The following SMAD9 variants were observed in gnomAD, a reference collection of about 807,000 sequenced individuals.
SMAD9 encodes the protein MAD homolog 9.
In SMAD9, 36 loss-of-function variants were observed where a neutral mutation model predicts 46.1. The ratio of observed to expected loss-of-function variants is 0.78; its 90% confidence interval spans 0.60 to 1.03. SMAD9 has a LOEUF of 1.03. Ranked by LOEUF, SMAD9 falls within the 50% of genes least tolerant of loss-of-function variation. SMAD9 has a pLI of 0.00. For missense variants in SMAD9, 572 were observed against 599.8 expected (o/e 0.95, Z 0.48); for synonymous variants, 245 against 237.1 (o/e 1.03, Z -0.31).
intron 1 of SMAD9, among the ~76,000 whole-genome samples, chr13:36,918,538 T>C (rs1401413926): frequency 2.6e-5 from 4 of 152,228 alleles, no homozygotes; most frequent in African/African-American, 9.6e-5. Context: ...GTACTTGAAA[T>C]TGCTGTCATC....
intron 1 of SMAD9, among the ~76,000 whole-genome samples, chr13:36,904,969 T>A (rs974394978): frequency 2.0e-5 from 3 of 152,238 alleles, no homozygotes; most frequent in African/African-American, 7.2e-5. Flanking sequence ...TCACTTGTTT[T>A]CATCCTTTTA....
Position 36,856,872 on chromosome 13 carries a change from G to A in SMAD9, c.1004-3197C>T, listed in dbSNP as rs188096711. ...GCTGGAGATGGGGTGGCGCGATCTC[G>A]GCTCACTGCAACCTCTGCCTCCCGG... On this transcript the variant is annotated intron_variant, in intron 5 of 6. Coordinates refer to ENST00000379826, the MANE Select transcript of SMAD9 (RefSeq NM_001127217.3). 7.9e-4 allele frequency among the ~76,000 whole-genome samples: 116 copies of A among 146,022 alleles called. 1 individual carries two copies. The highest frequency in any genetic ancestry group is 6.3e-3 in the Admixed American group (90 of 14,362).
At chr13:36,848,847 T>G in intron 6 of SMAD9, 28 bp from the exon 7 acceptor site, 3 of 1,610,486 alleles carry the variant, frequency 1.9e-6, no homozygotes, top group Non-Finnish European at 2.5e-6. Flanking sequence ...AGCTGAGTGA[T>G]GGTGCCACAC....
At position 36,844,843 on chromosome 13, in the gene SMAD9, ATTCT is replaced by A. The variant is rs1188763335; in HGVS notation, c.*3829_*3832del. On this transcript the variant is annotated 3_prime_UTR_variant, in exon 7 of 7. Coordinates refer to ENST00000379826, the MANE Select transcript of SMAD9 (RefSeq NM_001127217.3). Reference sequence around the variant, plus strand: ...GAGCCAAAAGACATATAAGTACAGTATTCTTTATTATAAACAATCAGATAACAGT... The same window carrying A: ...GAGCCAAAAGACATATAAGTACAGTATTATTATAAACAATCAGATAACAGT... 3 of 152,330 alleles carry A rather than the reference ATTCT, an allele frequency of 2.0e-5. No individual in the cohort carries two copies. Among genetic ancestry groups the A allele is most frequent in the South Asian group, 2.1e-4 (1 of 4,832 alleles). The allele number at this position is 152,330 out of a possible 1,614,324, so 9.4% of individuals were successfully genotyped here.
At chr13:36,852,230 A>C (rs1382081186) in intron 6 of SMAD9, 1 of 901,796 alleles carries the variant, frequency 1.1e-6, no homozygotes, top group Admixed American at 6.2e-5. Context: ...GTATAGAAAA[A>C]TTATTTGTCA....
At chr13:36,872,992 C>T in intron 2 of SMAD9, 77 bp from the exon 3 acceptor site, 1 of 1,526,880 alleles carries the variant, frequency 6.5e-7, no homozygotes, top group East Asian at 2.3e-5. Flanking sequence ...ACTTGCTGTT[C>T]TTATCTATTT....
chr13:36,912,133 C>T (rs2138699209), intron 1 of SMAD9, among the ~76,000 whole-genome samples: 1 of 152,284 alleles, frequency 6.6e-6, no homozygotes, highest in Admixed American at 6.5e-5. Flanking sequence ...CTTCACTCTT[C>T]CAAATACCCC....
intron 5 of SMAD9, among the ~76,000 whole-genome samples, chr13:36,856,147 C>T (rs1432625947): frequency 6.6e-6 from 1 of 152,152 alleles, no homozygotes; most frequent in African/African-American, 2.4e-5. Context: ...AACACCGCCT[C>T]TTACAACAAC....
chr13:36,848,568 T>C lies in SMAD9; in HGVS notation c.*108A>G, dbSNP rs964530989. On this transcript the variant is annotated 3_prime_UTR_variant, in exon 7 of 7. Coordinates refer to ENST00000379826, the MANE Select transcript of SMAD9 (RefSeq NM_001127217.3). ...AAAAAAATAAGAACAGTATACATTC[T>C]ATGTATTTACACATGTTTTTAGAAA... 1 of 1,034,526 alleles carries C rather than the reference T, an allele frequency of 9.7e-7. No individual in the cohort carries two copies. Among genetic ancestry groups the C allele is most frequent in the Admixed American group, 1.7e-5 (1 of 58,888 alleles). The allele number at this position is 1,034,526 out of a possible 1,614,324, so 64.1% of individuals were successfully genotyped here.
chr13:36,903,063 G>C (rs2058590218), intron 1 of SMAD9, among the ~76,000 whole-genome samples: 1 of 151,950 alleles, frequency 6.6e-6, no homozygotes. Flanking sequence ...ACATGGCAGG[G>C]AGGAGGGGAG....
intron 3 of SMAD9, 116 bp downstream of exon 3, chr13:36,872,542 A>T (rs1367841851): frequency 8.2e-7 from 1 of 1,225,408 alleles, no homozygotes; most frequent in East Asian, 2.3e-5. Context: ...TGCTTTGTAA[A>T]CTGTTTATAC....
At chr13:36,897,635 G>C (rs945768010) in intron 1 of SMAD9, among the ~76,000 whole-genome samples, 2 of 152,082 alleles carry the variant, frequency 1.3e-5, no homozygotes, top group African/African-American at 4.8e-5. Flanking sequence ...TGCAGAATTT[G>C]ATAACCTGCT....
rs187935697 is a variant in SMAD9, at chr13:36,852,044, G to A, written c.1260+1375C>T. Reference sequence around the variant, plus strand: ...GCAACAGAACATTTGAAAAGATTTCGAAGTTATTTGTTAATATAACTTTAT... The same window carrying A: ...GCAACAGAACATTTGAAAAGATTTCAAAGTTATTTGTTAATATAACTTTAT... On this transcript the variant is annotated intron_variant, in intron 6 of 6. Transcript: ENST00000379826. 1.6e-4 allele frequency: 151 copies of A among 969,318 alleles called. 1 individual carries two copies. In the African/African-American group the frequency reaches 2.3e-3, roughly 15 times the overall value. 60.0% of individuals were successfully genotyped at this position (969,318 alleles called of 1,614,324 possible).
intron 2 of SMAD9, among the ~76,000 whole-genome samples, chr13:36,875,508 C>G (rs192221355): frequency 2.4e-4 from 36 of 152,300 alleles, no homozygotes; most frequent in African/African-American, 7.7e-4. Flanking sequence ...CACCATCAAA[C>G]AGTGACATGG....
intron 1 of SMAD9, among the ~76,000 whole-genome samples, chr13:36,882,162 G>A (rs2138514508): frequency 1.3e-5 from 2 of 152,004 alleles, no homozygotes; most frequent in South Asian, 4.2e-4. Context: ...TTATTGCAGA[G>A]CAGCTGACGA....
chr13:36,853,382 CT>C lies in SMAD9; in HGVS notation c.1260+36del. On this transcript the variant is annotated intron_variant, in intron 6 of 6. Transcript: ENST00000379826. ...GGGTGCTTTTTTGTTTTGTTTTTCA[CT>C]GAACATTTTATAACGTGATAGCAAG... 5.0e-6 allele frequency: 8 copies of C among 1,610,930 alleles called. No individual in the cohort carries two copies. In the Admixed American group the frequency reaches 5.0e-5, roughly 10 times the overall value.
upstream of SMAD9, chr13:36,920,562 C>CGGGGGG (rs1167080589): frequency 1.3e-5 from 2 of 152,216 alleles, no homozygotes; most frequent in Non-Finnish European, 2.9e-5. Flanking sequence ...CCCGGCCTGC[C>CGGGGGG]GGGGTGGCCC....
intron 1 of SMAD9, among the ~76,000 whole-genome samples, chr13:36,884,725 A>C (rs1470370025): frequency 6.6e-6 from 1 of 152,240 alleles, no homozygotes; most frequent in Non-Finnish European, 1.5e-5. Flanking sequence ...ATTTCCACTC[A>C]GTTGGTCTCC....
At chr13:36,874,041 C>T (rs916498235) in intron 2 of SMAD9, among the ~76,000 whole-genome samples, 5 of 152,160 alleles carry the variant, frequency 3.3e-5, no homozygotes, top group African/African-American at 9.7e-5. Context: ...CACGTCCTAC[C>T]GACTCCTAGA....
Sources: gnomAD v4.1 joint callset for allele counts (sites outside exome capture counted in the v4.1 genomes callset) on GRCh38, gnomAD v4.1.1 for gene constraint, MANE v1.5 for transcripts, NCBI Gene and HGNC (gene_info 2026-07-23, HGNC 2026-07-21) for gene names.